ABI2: variants seen among roughly 807,000 people sequenced by gnomAD.
ABI2 encodes the protein abl interactor 2, also known as abelson interactor 2.
A neutral mutation model predicts 59.2 loss-of-function variants in ABI2; 25 were observed. The observed-to-expected ratio is 0.42, with a 90% CI of 0.31 to 0.59. The LOEUF (loss-of-function observed/expected upper bound fraction) is 0.59. ABI2 is among the 20% of genes least tolerant of loss of function. The probability of loss-of-function intolerance (pLI) is 0.14; values close to 1 mark genes in which losing one functional copy is unlikely to be tolerated. For missense variants in ABI2, 545 were observed against 681.8 expected (o/e 0.80, Z 2.23); for synonymous variants, 213 against 235.5 (o/e 0.90, Z 0.87).
At chr2:203,420,035 A>T (rs1298086220) in intron 11 of ABI2, among the ~76,000 whole-genome samples, 2 of 152,152 alleles carry the variant, frequency 1.3e-5, no homozygotes, top group African/African-American at 4.8e-5. Flanking sequence ...AATTCCCATT[A>T]TATAGTTGAA....
At chr2:203,337,913 C>A (rs995890785) in intron 1 of ABI2, among the ~76,000 whole-genome samples, 20 of 152,264 alleles carry the variant, frequency 1.3e-4, no homozygotes, top group African/African-American at 4.3e-4. Flanking sequence ...GCCTGTAGTC[C>A]CAGCTACTCA....
intron 9 of ABI2, among the ~76,000 whole-genome samples, chr2:203,404,705 C>A (rs1220572573): frequency 2.6e-5 from 4 of 152,106 alleles, no homozygotes; most frequent in Non-Finnish European, 5.9e-5. Context: ...ATTACAGGCA[C>A]CTGCCACTAC....
intron 1 of ABI2, among the ~76,000 whole-genome samples, chr2:203,330,750 A>G (rs1417724569): frequency 6.6e-6 from 1 of 152,232 alleles, no homozygotes; most frequent in African/African-American, 2.4e-5. Flanking sequence ...AAGAAATAAA[A>G]AATAAACAGA....
chr2:203,362,202 G>A (rs778818554), intron 1 of ABI2, among the ~76,000 whole-genome samples: 3 of 152,148 alleles, frequency 2.0e-5, no homozygotes, highest in Admixed American at 6.6e-5. Flanking sequence ...GTGAAGTACA[G>A]ATAATGTGAC....
rs2074467720 is a variant in ABI2, at chr2:203,332,816, G to C, written c.117+4185G>C. Among the ~76,000 whole-genome samples, 2 of 152,092 alleles carry C rather than the reference G, an allele frequency of 1.3e-5. 1 individual carries two copies. Among genetic ancestry groups the C allele is most frequent in the South Asian group, 4.1e-4 (2 of 4,826 alleles). Reference sequence around the variant, plus strand: ...TCCCTGAAATCTGAAAAGCCAACTTGTTGATATGTACGTTTTTCTTTTTGT... The same window carrying C: ...TCCCTGAAATCTGAAAAGCCAACTTCTTGATATGTACGTTTTTCTTTTTGT... On this transcript the variant is annotated intron_variant, in intron 1 of 11. Transcript: ENST00000261018.
chr2:203,377,487 C>T (rs373530390), intron 2 of ABI2, among the ~76,000 whole-genome samples: 36 of 152,186 alleles, frequency 2.4e-4, no homozygotes, highest in African/African-American at 7.7e-4. Flanking sequence ...ATCTGATGAA[C>T]CTTTTATTGA....
intron 5 of ABI2, among the ~76,000 whole-genome samples, chr2:203,391,820 C>CAAAA (rs1373761885): frequency 6.7e-5 from 4 of 59,880 alleles, no homozygotes; most frequent in Admixed American, 1.8e-4. Context: ...GCCCCTGTCT[C>CAAAA]AAAAAAAAAA....
chr2:203,328,847 C>T (rs2070399065), intron 1 of ABI2: 1 of 353,868 alleles, frequency 2.8e-6, no homozygotes, highest in Non-Finnish European at 5.1e-6. Context: ...TGAAGCAGTT[C>T]TCGGCGTGGT....
At chr2:203,420,416 C>T (rs1450319225) in intron 11 of ABI2, among the ~76,000 whole-genome samples, 7 of 141,334 alleles carry the variant, frequency 5.0e-5, no homozygotes, top group South Asian at 2.3e-4. Context: ...TTTTTTGAGA[C>T]GGAGTCTTGC....
At chr2:203,407,412 G>A (rs1190897396) in intron 9 of ABI2, among the ~76,000 whole-genome samples, 3 of 152,072 alleles carry the variant, frequency 2.0e-5, no homozygotes, top group African/African-American at 4.8e-5. Context: ...TTTTTAGAGC[G>A]CTTATTTTGT....
intron 10 of ABI2, among the ~76,000 whole-genome samples, chr2:203,415,400 A>G (rs2097849885): frequency 6.6e-6 from 1 of 152,010 alleles, no homozygotes; most frequent in Admixed American, 6.5e-5. Context: ...GGCGGATCAC[A>G]GGGTCAAGAG....
intron 1 of ABI2, among the ~76,000 whole-genome samples, chr2:203,361,394 G>A (rs1220702661): frequency 1.3e-5 from 2 of 152,218 alleles, no homozygotes; most frequent in Non-Finnish European, 2.9e-5. Flanking sequence ...AGCTGCTTGG[G>A]AGGCAGAGGC....
intron 11 of ABI2, among the ~76,000 whole-genome samples, chr2:203,425,039 T>A (rs946161138): frequency 1.3e-5 from 2 of 151,496 alleles, no homozygotes; most frequent in African/African-American, 4.9e-5. Context: ...TTTTTTTTTT[T>A]TTTTGTATTT....
At chr2:203,372,140 A>C (rs1476113535) in intron 2 of ABI2, among the ~76,000 whole-genome samples, 1 of 151,844 alleles carries the variant, frequency 6.6e-6, no homozygotes, top group African/African-American at 2.4e-5. Context: ...CTTAACGAGC[A>C]TGCTGCCTTC....
At chr2:203,394,659 A>G (rs1217124359) in intron 5 of ABI2, 41 bp from the exon 6 acceptor site, 2 of 1,578,258 alleles carry the variant, frequency 1.3e-6, no homozygotes, top group Non-Finnish European at 1.7e-6. Flanking sequence ...TTGTGCCGAA[A>G]CTTGCTTAAT....
intron 1 of ABI2, among the ~76,000 whole-genome samples, chr2:203,349,560 A>G (rs1576371151): frequency 6.6e-6 from 1 of 151,954 alleles, no homozygotes; most frequent in Non-Finnish European, 1.5e-5. Context: ...ACATGCCACC[A>G]TGCCTGGCTA....
intron 11 of ABI2, among the ~76,000 whole-genome samples, chr2:203,426,214 AACAAAG>A (rs1192518581): frequency 6.6e-6 from 1 of 152,214 alleles, no homozygotes; most frequent in East Asian, 1.9e-4. Context: ...ATGAGAAACT[AACAAAG>A]ACAGTGTGTT....
At chr2:203,386,374 C>T (rs2096510456) in intron 4 of ABI2, among the ~76,000 whole-genome samples, 1 of 147,372 alleles carries the variant, frequency 6.8e-6, no homozygotes, top group Non-Finnish European at 1.5e-5. Flanking sequence ...TCCTTGGGCT[C>T]AAATGATCCT....
rs2097130616 is a variant in ABI2 at position 203,399,376 on chromosome 2, C to T, written c.1033+2409C>T. Among the ~76,000 whole-genome samples the T allele has an allele frequency of 2.0e-5, 3 of 151,852 alleles. No individual in the cohort carries two copies. In the South Asian group the frequency reaches 6.2e-4, roughly 31 times the overall value. On this transcript the variant is annotated intron_variant, in intron 8 of 11. Coordinates refer to ENST00000261018, the MANE Select transcript of ABI2 (RefSeq NM_001375670.1). Reference sequence around the variant, plus strand: ...GAAGTATCTGTTCAAATGTTTTGTTCCTTCTCACCTTTTTAATAGGGTTTT... The same window carrying T: ...GAAGTATCTGTTCAAATGTTTTGTTTCTTCTCACCTTTTTAATAGGGTTTT...
Sources: allele counts gnomAD v4.1 joint callset (sites outside exome capture counted in the v4.1 genomes callset), GRCh38; gene constraint gnomAD v4.1.1; transcripts MANE v1.5; gene names NCBI Gene and HGNC (gene_info 2026-07-23, HGNC 2026-07-21).